Variants in SPAG17 observed in about 807,000 individuals in gnomAD.
SPAG17 encodes the protein sperm-associated antigen 17.
A neutral mutation model predicts 273.6 loss-of-function variants in SPAG17; 169 were observed. The observed-to-expected ratio is 0.62, with a 90% CI of 0.55 to 0.70. SPAG17 has a LOEUF of 0.70. SPAG17 is among the 30% of genes least tolerant of loss of function. The pLI, the probability that SPAG17 is intolerant of heterozygous loss-of-function variation, is 0.00. For missense variants in SPAG17, 2,557 were observed against 2,627.8 expected (o/e 0.97, Z 0.59); for synonymous variants, 825 against 873.2 (o/e 0.94, Z 0.97).
intron 3 of SPAG17, among the ~76,000 whole-genome samples, chr1:118,137,318 G>A (rs982971468): frequency 6.6e-6 from 1 of 152,198 alleles, no homozygotes; most frequent in African/African-American, 2.4e-5. Context: ...CCTGATGAAT[G>A]AGTAAGCCCA....
At chr1:118,004,382 T>C (rs552831603) in intron 32 of SPAG17, among the ~76,000 whole-genome samples, 2 of 152,316 alleles carry the variant, frequency 1.3e-5, no homozygotes, top group South Asian at 4.1e-4. Context: ...TCTGCAGAAG[T>C]TGTCTGCTGC....
intron 46 of SPAG17, among the ~76,000 whole-genome samples, 155 bp downstream of exon 46, chr1:117,969,901 C>A (rs1027415571): frequency 6.6e-6 from 1 of 152,074 alleles, no homozygotes; most frequent in East Asian, 1.9e-4. Flanking sequence ...TGTATCACTA[C>A]GAGAAATCTT....
chr1:118,100,859 A>G (rs952185771), intron 5 of SPAG17, among the ~76,000 whole-genome samples: 4 of 152,230 alleles, frequency 2.6e-5, no homozygotes, highest in Non-Finnish European at 5.9e-5. Context: ...TAGTGTCTCT[A>G]TCCAGGGCAA....
chr1:118,078,185 C>G (rs750109672), intron 15 of SPAG17, among the ~76,000 whole-genome samples: 1 of 152,122 alleles, frequency 6.6e-6, no homozygotes. Context: ...CGACCCACCT[C>G]TAGATTAATG....
chr1:118,045,676 T>A (rs1317255317), intron 20 of SPAG17, among the ~76,000 whole-genome samples: 1 of 152,046 alleles, frequency 6.6e-6, no homozygotes, highest in Non-Finnish European at 1.5e-5. Context: ...TCCAAATGAG[T>A]AGTCAAGTCA....
intron 20 of SPAG17, among the ~76,000 whole-genome samples, chr1:118,051,223 G>A (rs1454181922): frequency 6.6e-6 from 1 of 152,024 alleles, no homozygotes; most frequent in Non-Finnish European, 1.5e-5. Context: ...GAATGGCTAT[G>A]AGAAAAAAGA....
intron 3 of SPAG17, among the ~76,000 whole-genome samples, chr1:118,128,615 G>C (rs1657876045): frequency 6.6e-6 from 1 of 152,118 alleles, no homozygotes; most frequent in African/African-American, 2.4e-5. Context: ...TCTGAGACTA[G>C]TGATTGAGAC....
chr1:118,175,266 G>T (rs536469858), intron 1 of SPAG17, among the ~76,000 whole-genome samples: 35 of 152,170 alleles, frequency 2.3e-4, no homozygotes, highest in African/African-American at 7.9e-4. Context: ...CTGACCTCAG[G>T]TGATCCACCC....
chr1:117,981,157 C>T (rs1012713701), intron 43 of SPAG17, 113 bp downstream of exon 43: 1 of 1,162,660 alleles, frequency 8.6e-7, no homozygotes, highest in African/African-American at 1.6e-5. Flanking sequence ...ATCCGTGACC[C>T]TCTCGATTTT....
At chr1:118,115,569 GAAA>G in intron 3 of SPAG17, 128 bp from the exon 4 acceptor site, 1 of 872,042 alleles carries the variant, frequency 1.1e-6, no homozygotes, top group Non-Finnish European at 1.6e-6. Context: ...ATTGCTGGCT[GAAA>G]AAAAAAAGTT....
intron 1 of SPAG17, among the ~76,000 whole-genome samples, chr1:118,174,447 T>C (rs1177078403): frequency 6.6e-6 from 1 of 151,756 alleles, no homozygotes; most frequent in Non-Finnish European, 1.5e-5. Context: ...AAGAAAAAAG[T>C]ATGAAGAAAA....
rs765984334 is a variant in SPAG17 at position 118,093,526 on chromosome 1, G to A, written c.1012-209C>T. Among the ~76,000 whole-genome samples, 5 of 152,272 alleles carry A rather than the reference G, an allele frequency of 3.3e-5. No homozygotes were observed. In the East Asian group the frequency reaches 9.6e-4, roughly 29 times the overall value. On this transcript the variant is annotated intron_variant, in intron 7 of 48. Coordinates refer to ENST00000336338, the MANE Select transcript of SPAG17 (RefSeq NM_206996.4). Reference sequence around the variant, plus strand: ...TTCTTTGTTTACCGCAATATGGACTGTTTCCTTTGGAGGGCCGTATGGCTG... The same window carrying A: ...TTCTTTGTTTACCGCAATATGGACTATTTCCTTTGGAGGGCCGTATGGCTG...
intron 3 of SPAG17, among the ~76,000 whole-genome samples, chr1:118,121,107 G>T (rs1041330877): frequency 6.6e-6 from 1 of 152,030 alleles, no homozygotes; most frequent in African/African-American, 2.4e-5. Context: ...TTCCCTGCCT[G>T]GAGTTGCTGT....
At chr1:118,171,816 A>T (rs1202878615) in intron 1 of SPAG17, among the ~76,000 whole-genome samples, 3 of 152,172 alleles carry the variant, frequency 2.0e-5, no homozygotes, top group Admixed American at 6.5e-5. Flanking sequence ...TCCACGTAAA[A>T]TGTTATGATC....
chr1:118,039,736 G>A (rs1198794971), intron 22 of SPAG17, among the ~76,000 whole-genome samples: 1 of 152,102 alleles, frequency 6.6e-6, no homozygotes, highest in Admixed American at 6.6e-5. Context: ...AAAGCCCTGC[G>A]ATACACAATT....
rs766954160 is a variant in SPAG17, at chr1:117,966,753, C to T, written c.6388G>A (p.Val2130Met). ...GLKVTYKPGP[V>M]AAGMQTELNI... Reference sequence around the variant, plus strand: ...AGTTCTGTCTGCATACCAGCTGCCACCTATAAGACACAAGGTAGCTTTAGG... The same window carrying T: ...AGTTCTGTCTGCATACCAGCTGCCATCTATAAGACACAAGGTAGCTTTAGG... Residue 2130 changes from valine (V) to methionine (M), a missense_variant and splice_region_variant, in exon 47 of 49, where the codon GTG becomes ATG. Val to Met is a conservative substitution (Grantham distance 21, BLOSUM62 1). Transcript: ENST00000336338. The T allele has an allele frequency of 3.1e-6, 5 of 1,607,444 alleles. No individual in the cohort carries two copies.
At chr1:118,037,896 T>C (rs1290213170) in intron 23 of SPAG17, among the ~76,000 whole-genome samples, 1 of 152,206 alleles carries the variant, frequency 6.6e-6, no homozygotes, top group Non-Finnish European at 1.5e-5. Flanking sequence ...GATGGGGCAA[T>C]ATTGATTTAA....
chr1:118,126,089 A>G (rs528581862), intron 3 of SPAG17, among the ~76,000 whole-genome samples: 8 of 138,488 alleles, frequency 5.8e-5, no homozygotes, highest in African/African-American at 2.1e-4. Context: ...GTGAAATCAT[A>G]TCTCATTATG....
intron 7 of SPAG17, among the ~76,000 whole-genome samples, chr1:118,093,795 GGGCAA>G (rs1655541504): frequency 6.6e-6 from 1 of 152,172 alleles, no homozygotes; most frequent in Non-Finnish European, 1.5e-5. Context: ...ACAAGTATGT[GGGCAA>G]TCAGTATTTC....
Sources: allele counts gnomAD v4.1 joint callset (sites outside exome capture counted in the v4.1 genomes callset), GRCh38; gene constraint gnomAD v4.1.1; transcripts MANE v1.5; gene names NCBI Gene and HGNC (gene_info 2026-07-23, HGNC 2026-07-21).